Variants in SYNJ2 observed in about 807,000 individuals in gnomAD.
The protein encoded by SYNJ2 is synaptojanin 2.
Under a neutral mutation model 141.3 loss-of-function variants are expected in SYNJ2, and 116 were observed. That is an observed-to-expected ratio of 0.82 (90% CI 0.71 to 0.96). The LOEUF (loss-of-function observed/expected upper bound fraction) is 0.96. SYNJ2 is among the 40% of genes least tolerant of loss of function. The pLI is 0.00. For missense variants in SYNJ2, 1,873 were observed against 1,934.8 expected (o/e 0.97, Z 0.60); for synonymous variants, 745 against 777.7 (o/e 0.96, Z 0.70).
intron 15 of SYNJ2, 66 bp from the exon 16 acceptor site, chr6:158,074,514 T>G: frequency 6.5e-7 from 1 of 1,547,714 alleles, no homozygotes; most frequent in Non-Finnish European, 8.7e-7. Flanking sequence ...GTGAGCTTGT[T>G]TTTCTCCTCT....
At position 158,059,296 on chromosome 6, in the gene SYNJ2, G is replaced by T; in HGVS notation, c.897G>T (p.Val299=). 1 of 1,550,770 alleles carries T rather than the reference G, an allele frequency of 6.4e-7. No individual in the cohort carries two copies. Among genetic ancestry groups the T allele is most frequent in the Non-Finnish European group, 8.7e-7 (1 of 1,146,936 alleles). The change falls in exon 7 of 27, where the codon GTG becomes GTT. Residue 299 remains valine (V), a synonymous_variant. Coordinates refer to ENST00000355585, the MANE Select transcript of SYNJ2 (RefSeq NM_003898.4). The part of the protein sequence containing the change: ...VLLKEQYGQQ[V]VVNLLGSRGG... Reference sequence around the variant, plus strand: ...TGAAGGAGCAGTACGGGCAGCAGGTGGTCGTGAACCTTCTGGGAAGCAGAG... The same window carrying T: ...TGAAGGAGCAGTACGGGCAGCAGGTTGTCGTGAACCTTCTGGGAAGCAGAG...
chr6:158,030,915 A>T (rs1779328161), intron 3 of SYNJ2: 1 of 152,214 alleles, frequency 6.6e-6, no homozygotes, highest in African/African-American at 2.4e-5. Context: ...AATAAAATAA[A>T]ATAAATAAAA....
At chr6:157,999,561 G>A (rs556432853) in intron 1 of SYNJ2, among the ~76,000 whole-genome samples, 6 of 152,364 alleles carry the variant, frequency 3.9e-5, no homozygotes, top group African/African-American at 1.4e-4. Flanking sequence ...GGCCCAGGGA[G>A]CCAAGCTCAG....
At position 158,025,533 on chromosome 6, in the gene SYNJ2, C is replaced by T. The variant is rs1230326474; in HGVS notation, c.215-3223C>T. On this transcript the variant is annotated intron_variant, in intron 2 of 26. Transcript: ENST00000355585. The stretch of plus-strand genomic sequence containing the variant: ...TCTACCAAAAATACAAAAAATTAGC[C>T]GGTATAATCCCAGCAACTCGGGAGG... Among the ~76,000 whole-genome samples the T allele has an allele frequency of 1.1e-4, 16 of 151,716 alleles. 1 individual carries two copies. The highest frequency in any genetic ancestry group is 3.4e-3 in the Middle Eastern group (1 of 292).
At position 158,017,245 on chromosome 6, in the gene SYNJ2, C is replaced by T. The variant is rs764426908; in HGVS notation, c.169C>T (p.Leu57Phe). ...KEVIKGQYGK[L>F]TDAYGCLGEL... The stretch of plus-strand genomic sequence containing the variant: ...AGTCATTAAAGGACAGTATGGCAAG[C>T]TCACGGACGCGTACGGCTGCCTGGG... Residue 57 changes from leucine (L) to phenylalanine (F), a missense_variant, in exon 2 of 27, where the codon CTC becomes TTC. Transcript: ENST00000355585. The T allele has an allele frequency of 6.2e-7, 1 of 1,613,222 alleles. No individual in the cohort carries two copies. The highest frequency in any genetic ancestry group is 8.5e-7 in the Non-Finnish European group (1 of 1,179,950).
chr6:158,067,625 G>A, intron 12 of SYNJ2: 4 of 985,384 alleles, frequency 4.1e-6, no homozygotes, highest in Non-Finnish European at 4.8e-6. Flanking sequence ...TTTGCCTGTT[G>A]GTGAGTGACC....
chr6:157,992,401 C>CTT (rs57905567), intron 1 of SYNJ2, among the ~76,000 whole-genome samples: 14,432 of 117,616 alleles, frequency 0.12, 481 homozygotes, highest in Non-Finnish European at 0.17. Context: ...TGGCTTGTTT[C>CTT]TTTTTTTTTT....
chr6:158,067,349 A>G (rs1781632235), intron 12 of SYNJ2: 1 of 839,790 alleles, frequency 1.2e-6, no homozygotes, highest in Non-Finnish European at 1.4e-6. Flanking sequence ...GACCAAGAAC[A>G]GCTCATCCCT....
At chr6:157,994,929 A>G (rs1033562662) in intron 1 of SYNJ2, among the ~76,000 whole-genome samples, 1 of 151,990 alleles carries the variant, frequency 6.6e-6, no homozygotes, top group South Asian at 2.1e-4. Context: ...GCCCTGCACC[A>G]CCTTGCTTTC....
At chr6:158,091,765 A>G (rs1783470938) in intron 25 of SYNJ2, among the ~76,000 whole-genome samples, 3 of 152,142 alleles carry the variant, frequency 2.0e-5, no homozygotes, top group African/African-American at 7.2e-5. Context: ...AAAAAAAAAA[A>G]AAAAGAATGA....
Position 157,982,091 on chromosome 6 carries a change from G to A in SYNJ2, c.127+3G>A. The A allele has an allele frequency of 7.5e-7, 1 of 1,331,954 alleles. No homozygotes were observed. Among genetic ancestry groups the A allele is most frequent in the Non-Finnish European group, 9.6e-7 (1 of 1,043,286 alleles). The allele number at this position is 1,331,954 out of a possible 1,614,324, so 82.5% of individuals were successfully genotyped here. ...GGCCGGCACGGTGGCCACGCTGGGT[G>A]AGTCCGGGCCGGGGGCAGCGACGCC... On this transcript the variant is annotated splice_donor_region_variant and intron_variant, in intron 1 of 26. Transcript: ENST00000355585. The surrounding 1 kb of genome is among the most constrained non-coding windows in gnomAD (Gnocchi z 4.0).
At chr6:158,045,141 T>C (rs919996054) in intron 5 of SYNJ2, among the ~76,000 whole-genome samples, 1 of 128,660 alleles carries the variant, frequency 7.8e-6, no homozygotes, top group Non-Finnish European at 1.6e-5. Flanking sequence ...GGAGTCTCAC[T>C]CTGTTGCCCA....
intron 5 of SYNJ2, among the ~76,000 whole-genome samples, chr6:158,048,195 G>A (rs1325693011): frequency 2.6e-5 from 4 of 152,308 alleles, no homozygotes; most frequent in South Asian, 2.1e-4. Context: ...GGACAGAGCC[G>A]TGTTGGAGGA....
At chr6:158,057,010 C>G (rs571800919) in intron 6 of SYNJ2, among the ~76,000 whole-genome samples, 13 of 151,278 alleles carry the variant, frequency 8.6e-5, no homozygotes, top group African/African-American at 3.2e-4. Flanking sequence ...TAACCTTTCA[C>G]AGGGCGGTGC....
intron 13 of SYNJ2, 131 bp from the exon 14 acceptor site, chr6:158,069,402 T>C (rs1758762399): frequency 1.7e-6 from 2 of 1,151,202 alleles, no homozygotes; most frequent in Non-Finnish European, 2.4e-6. Context: ...AGCATGACAC[T>C]AATATTGGGG....
intron 4 of SYNJ2, among the ~76,000 whole-genome samples, chr6:158,035,557 G>A (rs1414723870): frequency 2.0e-5 from 3 of 152,168 alleles, no homozygotes; most frequent in Admixed American, 6.5e-5. Context: ...TTTGGGCTGA[G>A]ACTGTGGTGT....
intron 16 of SYNJ2, among the ~76,000 whole-genome samples, chr6:158,075,147 G>A (rs868231517): frequency 6.6e-6 from 1 of 151,716 alleles, no homozygotes; most frequent in Non-Finnish European, 1.5e-5. Context: ...GGCCAGGCTG[G>A]TCTCGAACTC....
intron 5 of SYNJ2, among the ~76,000 whole-genome samples, chr6:158,053,881 C>T (rs2128354799): frequency 1.3e-5 from 2 of 151,662 alleles, no homozygotes; most frequent in Non-Finnish European, 2.9e-5. Context: ...CCCACCTATC[C>T]ATCTACTGAT....
chr6:158,086,809 A>G (rs780486155), intron 22 of SYNJ2, 46 bp from the exon 23 acceptor site: 2 of 1,596,660 alleles, frequency 1.3e-6, no homozygotes, highest in South Asian at 2.2e-5. Flanking sequence ...TGACACGCTC[A>G]CGTGTGGAAC....
Sources: gnomAD v4.1 joint callset for allele counts (sites outside exome capture counted in the v4.1 genomes callset) on GRCh38, gnomAD v4.1.1 for gene constraint, Gnocchi (gnomAD v3.1) non-coding constraint, MANE v1.5 for transcripts, NCBI Gene and HGNC (gene_info 2026-07-23, HGNC 2026-07-21) for gene names.